CDH9: variants seen among roughly 807,000 people sequenced by gnomAD.
CDH9 encodes cadherin 9.
Under a neutral mutation model 70.9 loss-of-function variants are expected in CDH9, and 28 were observed. The ratio of observed to expected loss-of-function variants is 0.40; its 90% CI spans 0.29 to 0.54. CDH9 has a LOEUF of 0.54. Ranked by LOEUF, CDH9 falls within the 20% of genes least tolerant of loss-of-function variation. The pLI is 0.59. For synonymous variants in CDH9, 409 were observed against 343.1 expected, an observed-to-expected ratio of 1.19 and a Z score of -2.12; for missense variants, 874 against 984.4, an observed-to-expected ratio of 0.89 and a Z score of 1.50.
chr5:26,963,013 G>GAA (rs1742064604), intron 2 of CDH9, among the ~76,000 whole-genome samples: 1 of 151,990 alleles, frequency 6.6e-6, no homozygotes, highest in Non-Finnish European at 1.5e-5. Context: ...TACCTTCACA[G>GAA]TGGTTTTATA....
In CDH9 at chr5:26,902,768, G is replaced by A. The variant is rs370673997; in HGVS notation, c.1000-39C>T. The A allele has an allele frequency of 3.2e-6, 4 of 1,248,954 alleles. No individual in the cohort carries two copies. In the African/African-American group the frequency reaches 4.5e-5, roughly 14 times the overall value. 77.4% of individuals were successfully genotyped at this position (1,248,954 alleles called of 1,614,324 possible). ...ACATAAAAGAAATTAGCATAATTCAGAAGATATGACAATGAAAGACGATTT... is the reference window on the plus strand; with the variant it reads ...ACATAAAAGAAATTAGCATAATTCAAAAGATATGACAATGAAAGACGATTT... On this transcript the variant is annotated intron_variant, in intron 6 of 11. Coordinates refer to ENST00000231021, the MANE Select transcript of CDH9 (RefSeq NM_016279.4).
At chr5:26,883,299 A>G (rs1740503821) in intron 11 of CDH9, among the ~76,000 whole-genome samples, 1 of 151,422 alleles carries the variant, frequency 6.6e-6, no homozygotes. Context: ...AAATTGTATT[A>G]AGGGTTTCTC....
At chr5:27,013,474 C>A (rs541110280) in intron 1 of CDH9, among the ~76,000 whole-genome samples, 15 of 152,074 alleles carry the variant, frequency 9.9e-5, no homozygotes, top group African/African-American at 3.6e-4. Context: ...TAGGATGAGG[C>A]TTCACCAGCA....
At chr5:27,021,184 A>G (rs1017294348) in intron 1 of CDH9, among the ~76,000 whole-genome samples, 2 of 151,814 alleles carry the variant, frequency 1.3e-5, no homozygotes, top group Non-Finnish European at 2.9e-5. Context: ...AGAGGGAGCT[A>G]AAGCATTGTG....
intron 9 of CDH9, among the ~76,000 whole-genome samples, 195 bp downstream of exon 9, chr5:26,889,641 T>C (rs1010237512): frequency 5.3e-5 from 8 of 151,270 alleles, no homozygotes; most frequent in Non-Finnish European, 8.8e-5. Context: ...TACTATATTA[T>C]TGATTCCATT....
At position 27,014,091 on chromosome 5, in the gene CDH9, T is replaced by C. The variant is rs191960627; in HGVS notation, c.-50+24372A>G. Among the ~76,000 whole-genome samples, 4 of 152,110 alleles carry C rather than the reference T, an allele frequency of 2.6e-5. No individual in the cohort carries two copies. The Admixed American group carries it at 2.6e-4, about 10-fold the overall frequency. The stretch of plus-strand genomic sequence containing the variant: ...ATTGAACAGACAAAAGCAAGGCCAC[T>C]GTACATCTCAAATATGACCAGATAT... On this transcript the variant is annotated intron_variant, in intron 1 of 11. Coordinates refer to ENST00000231021, the MANE Select transcript of CDH9 (RefSeq NM_016279.4).
intron 1 of CDH9, among the ~76,000 whole-genome samples, chr5:27,002,609 T>C (rs1248805514): frequency 6.6e-6 from 1 of 152,186 alleles, no homozygotes; most frequent in Non-Finnish European, 1.5e-5. Context: ...GATGAGTTCA[T>C]GTCCTTTATA....
At chr5:26,988,887 G>A (rs1016393538) in intron 1 of CDH9, among the ~76,000 whole-genome samples, 2 of 151,886 alleles carry the variant, frequency 1.3e-5, no homozygotes, top group African/African-American at 4.8e-5. Context: ...AGATTGAAAT[G>A]TTGCCTCAAG....
chr5:26,902,756 T>G, intron 6 of CDH9, 27 bp from the exon 7 acceptor site: 1 of 1,362,744 alleles, frequency 7.3e-7, no homozygotes, highest in South Asian at 1.2e-5. Flanking sequence ...TAAAAGAAAT[T>G]AGCATAATTC....
intron 2 of CDH9, among the ~76,000 whole-genome samples, chr5:26,975,811 CT>C (rs1742295046): frequency 6.6e-6 from 1 of 152,166 alleles, no homozygotes; most frequent in Non-Finnish European, 1.5e-5. Flanking sequence ...GGCTTTCCCT[CT>C]GAGGGTAATT....
intron 1 of CDH9, among the ~76,000 whole-genome samples, chr5:27,020,068 A>G (rs1338640074): frequency 6.6e-6 from 1 of 151,784 alleles, no homozygotes; most frequent in Non-Finnish European, 1.5e-5. Context: ...TAATATATTC[A>G]TTATAATTTA....
chr5:26,958,737 AAAG>A (rs1168032855), intron 2 of CDH9, among the ~76,000 whole-genome samples: 1 of 152,190 alleles, frequency 6.6e-6, no homozygotes, highest in African/African-American at 2.4e-5. Context: ...ATTCACTGTA[AAAG>A]AAGGATAAAA....
chr5:27,034,363 CAATT>C (rs1275269333), intron 1 of CDH9, among the ~76,000 whole-genome samples: 1 of 151,272 alleles, frequency 6.6e-6, no homozygotes, highest in Non-Finnish European at 1.5e-5. Context: ...TTTCATCGAT[CAATT>C]AGAGAGATCA....
intron 1 of CDH9, among the ~76,000 whole-genome samples, chr5:27,000,455 G>T (rs1281264375): frequency 6.6e-6 from 1 of 152,012 alleles, no homozygotes; most frequent in Admixed American, 6.6e-5. Context: ...CTATTTGGAA[G>T]ATTCTACACA....
chr5:26,961,720 T>C lies in CDH9; in HGVS notation c.228+26386A>G, dbSNP rs1290596631. ...AATTAACCTACCAACCTGTATGCAA[T>C]TTTAATTGTGTTGTAGGAGATCATA... On this transcript the variant is annotated intron_variant, in intron 2 of 11. Transcript: ENST00000231021. 2.6e-5 allele frequency among the ~76,000 whole-genome samples: 4 copies of C among 152,202 alleles called. No homozygotes were observed. In the East Asian group the frequency reaches 7.7e-4, roughly 29 times the overall value.
chr5:26,940,820 T>C (rs1741647706), intron 2 of CDH9, among the ~76,000 whole-genome samples: 1 of 152,246 alleles, frequency 6.6e-6, no homozygotes, highest in African/African-American at 2.4e-5. Context: ...AATATTACTG[T>C]AGGAAACTAA....
chr5:26,914,843 T>C (rs982416659), intron 3 of CDH9, among the ~76,000 whole-genome samples: 16 of 152,026 alleles, frequency 1.1e-4, no homozygotes, highest in African/African-American at 3.9e-4. Context: ...ATCTTGTAAA[T>C]TAAGTTTATG....
In CDH9 at chr5:26,900,576, A is replaced by C. The variant is rs568186897; in HGVS notation, c.1253+1900T>G. On this transcript the variant is annotated intron_variant, in intron 7 of 11. Transcript: ENST00000231021. ...GAAGAAAAGATAACATGGATTATTA[A>C]AAAGATTTGGTCTCATTCAGACTCA... 2.2e-4 allele frequency among the ~76,000 whole-genome samples: 33 copies of C among 152,202 alleles called. No homozygotes were observed. The East Asian group carries it at 6.4e-3, about 29-fold the overall frequency.
At chr5:27,035,984 T>C (rs1421879325) in intron 1 of CDH9, among the ~76,000 whole-genome samples, 1 of 151,840 alleles carries the variant, frequency 6.6e-6, no homozygotes, top group Non-Finnish European at 1.5e-5. Flanking sequence ...TTCACACATA[T>C]TTTTAAAATT....
Sources: allele counts gnomAD v4.1 joint callset (sites outside exome capture counted in the v4.1 genomes callset), GRCh38; gene constraint gnomAD v4.1.1; transcripts MANE v1.5; gene names NCBI Gene and HGNC (gene_info 2026-07-23, HGNC 2026-07-21).